SAMD4A: variants seen among roughly 807,000 people sequenced by gnomAD.
SAMD4A encodes protein Smaug homolog 1.
In SAMD4A, 33 loss-of-function variants were observed where a neutral mutation model predicts 81.3. The observed-to-expected ratio is 0.41, with a 90% CI of 0.31 to 0.54. SAMD4A has a LOEUF of 0.54. SAMD4A is among the 20% of genes least tolerant of loss of function. The probability of loss-of-function intolerance (pLI) is 0.37; values close to 1 mark genes in which losing one functional copy is unlikely to be tolerated. For missense variants in SAMD4A, 854 were observed against 951.1 expected, an observed-to-expected ratio of 0.90 and a Z score of 1.34; for synonymous variants, 389 against 382.1, an observed-to-expected ratio of 1.02 and a Z score of -0.21.
chr14:54,641,468 T>C (rs1040295847), intron 2 of SAMD4A, among the ~76,000 whole-genome samples: 2 of 152,226 alleles, frequency 1.3e-5, no homozygotes, highest in Non-Finnish European at 2.9e-5. Context: ...GAATAGTCTC[T>C]TTGTCTCTTT....
intron 4 of SAMD4A, among the ~76,000 whole-genome samples, chr14:54,739,518 CAAAAA>C (rs11301120): frequency 7.4e-6 from 1 of 135,344 alleles, no homozygotes; most frequent in Non-Finnish European, 1.6e-5. Context: ...AGTTAAATGG[CAAAAA>C]AAAAAAAAAA....
chr14:54,640,817 A>G (rs2035157455), intron 2 of SAMD4A, among the ~76,000 whole-genome samples: 1 of 152,044 alleles, frequency 6.6e-6, no homozygotes, highest in African/African-American at 2.4e-5. Flanking sequence ...ATGCTATGGT[A>G]TATCTCCACT....
intron 3 of SAMD4A, among the ~76,000 whole-genome samples, chr14:54,715,875 G>A (rs1400340479): frequency 6.6e-6 from 1 of 152,014 alleles, no homozygotes. Flanking sequence ...AAGAAAATTG[G>A]CAAAAATAAT....
chr14:54,753,418 C>T (rs1255025590), intron 6 of SAMD4A, among the ~76,000 whole-genome samples: 1 of 135,708 alleles, frequency 7.4e-6, no homozygotes, highest in Admixed American at 7.3e-5. Context: ...TCCCTTAAAC[C>T]TTGATTTCAT....
At chr14:54,677,610 T>A (rs943124496) in intron 2 of SAMD4A, among the ~76,000 whole-genome samples, 1 of 152,224 alleles carries the variant, frequency 6.6e-6, no homozygotes, top group Non-Finnish European at 1.5e-5. Flanking sequence ...TGAATGTTAA[T>A]GAAACAAAGC....
At chr14:54,592,037 T>A (rs2033791205) in intron 2 of SAMD4A, among the ~76,000 whole-genome samples, 1 of 152,030 alleles carries the variant, frequency 6.6e-6, no homozygotes, top group Non-Finnish European at 1.5e-5. Context: ...CCCTTCCTCC[T>A]CAAAGCTCCC....
At chr14:54,645,420 T>C (rs2035265131) in intron 2 of SAMD4A, among the ~76,000 whole-genome samples, 1 of 152,248 alleles carries the variant, frequency 6.6e-6, no homozygotes, top group African/African-American at 2.4e-5. Context: ...TATATAACTA[T>C]GCAATATCTT....
chr14:54,709,251 T>A (rs1361042444), intron 3 of SAMD4A, among the ~76,000 whole-genome samples: 3 of 151,528 alleles, frequency 2.0e-5, no homozygotes, highest in African/African-American at 4.9e-5. Context: ...CACTTCAGTC[T>A]GGGTGACAGA....
chr14:54,712,468 C>CT (rs1038274751), intron 3 of SAMD4A, among the ~76,000 whole-genome samples: 8 of 152,036 alleles, frequency 5.3e-5, no homozygotes, highest in African/African-American at 1.9e-4. Flanking sequence ...TTGGGGGAAA[C>CT]TTTTTTTAGT....
At chr14:54,617,473 T>C (rs1342513572) in intron 2 of SAMD4A, among the ~76,000 whole-genome samples, 1 of 151,166 alleles carries the variant, frequency 6.6e-6, no homozygotes, top group Non-Finnish European at 1.5e-5. Context: ...ATCTTTCCCT[T>C]TTTTTTTCAG....
At chr14:54,642,095 G>T (rs896302653) in intron 2 of SAMD4A, among the ~76,000 whole-genome samples, 3 of 152,292 alleles carry the variant, frequency 2.0e-5, no homozygotes, top group East Asian at 1.9e-4. Context: ...ACTACACCTG[G>T]CCAGAAGTCA....
chr14:54,789,989 G>A lies in SAMD4A; in HGVS notation c.*1045G>A, dbSNP rs984140676. 3.3e-5 allele frequency: 5 copies of A among 152,234 alleles called. No homozygotes were observed. Among genetic ancestry groups the A allele is most frequent in the African/African-American group, 1.2e-4 (5 of 41,458 alleles). 9.4% of individuals were successfully genotyped at this position (152,234 alleles called of 1,614,324 possible). A position where few individuals can be genotyped will look rare whatever the true frequency, so the allele number is the denominator to read the frequency against. The stretch of plus-strand genomic sequence containing the variant: ...CTCCCTCCCTTTCCACCCCACCCAT[G>A]GGGCATTATCCTGTCACTCCCAGCC... On this transcript the variant is annotated 3_prime_UTR_variant, in exon 13 of 13. Transcript: ENST00000554335.
chr14:54,759,337 G>A lies in SAMD4A; in HGVS notation c.1177-824G>A, dbSNP rs1195398481. Among the ~76,000 whole-genome samples the A allele has an allele frequency of 5.3e-5, 8 of 152,068 alleles. No individual in the cohort carries two copies. In the South Asian group the frequency reaches 1.2e-3, roughly 24 times the overall value. On this transcript the variant is annotated intron_variant, in intron 6 of 12. Transcript: ENST00000554335. ...GACACCATTGCCCACCTGCTCCATCGCAGGCCTCCTTGCTGTTCCTCAGAC... is the reference window on the plus strand; with the variant it reads ...GACACCATTGCCCACCTGCTCCATCACAGGCCTCCTTGCTGTTCCTCAGAC...
At chr14:54,611,040 A>G (rs2034338812) in intron 2 of SAMD4A, among the ~76,000 whole-genome samples, 1 of 152,236 alleles carries the variant, frequency 6.6e-6, no homozygotes, top group Admixed American at 6.5e-5. Context: ...ATTAAAAATC[A>G]CATTAATTGT....
chr14:54,709,655 ATG>A (rs1049289653), intron 3 of SAMD4A, among the ~76,000 whole-genome samples: 23 of 152,148 alleles, frequency 1.5e-4, no homozygotes, highest in Admixed American at 1.1e-3. Flanking sequence ...AAGAACAAGA[ATG>A]TGTGTGTTCT....
intron 2 of SAMD4A, among the ~76,000 whole-genome samples, chr14:54,688,931 C>CTTTT (rs71127666): frequency 2.6e-5 from 3 of 116,094 alleles, no homozygotes; most frequent in Non-Finnish European, 3.6e-5. Flanking sequence ...AGTCGTAATT[C>CTTTT]TTTTTTTTTT....
At position 54,792,719 on chromosome 14, in the gene SAMD4A, T is replaced by C. The variant is rs1414348286; in HGVS notation, c.*3775T>C. The C allele has an allele frequency of 2.6e-5, 4 of 151,196 alleles. No homozygotes were observed. The highest frequency in any genetic ancestry group is 5.9e-5 in the Non-Finnish European group (4 of 67,956). The allele number at this position is 151,196 out of a possible 1,614,324, so 9.4% of individuals were successfully genotyped here. On this transcript the variant is annotated 3_prime_UTR_variant, in exon 13 of 13. Coordinates refer to ENST00000554335, the MANE Select transcript of SAMD4A (RefSeq NM_015589.6). ...CACTAATGTTGATTTTTTTTTTTTT[T>C]ACAAGTCATCAGAGATGTTTGCAAA...
chr14:54,760,554 C>A, intron 7 of SAMD4A, 60 bp downstream of exon 7: 1 of 1,361,730 alleles, frequency 7.3e-7, no homozygotes. Flanking sequence ...GAGCGACAGG[C>A]TCCTGGGGGC....
chr14:54,608,659 T>A (rs913639016), intron 2 of SAMD4A, among the ~76,000 whole-genome samples: 1 of 152,228 alleles, frequency 6.6e-6, no homozygotes, highest in Non-Finnish European at 1.5e-5. Flanking sequence ...GCCAAATTCT[T>A]TGAGCAATGG....
Sources: gnomAD v4.1 joint callset for allele counts (sites outside exome capture counted in the v4.1 genomes callset) on GRCh38, gnomAD v4.1.1 for gene constraint, MANE v1.5 for transcripts, NCBI Gene and HGNC (gene_info 2026-07-23, HGNC 2026-07-21) for gene names.